CRACR2A: variants seen among roughly 807,000 people sequenced by gnomAD.
CRACR2A encodes the protein EF-hand calcium-binding domain-containing protein 4B.
Under a neutral mutation model 90.5 loss-of-function variants are expected in CRACR2A, and 79 were observed. The observed-to-expected ratio is 0.87, with a 90% CI of 0.73 to 1.05. The LOEUF is 1.05. Among genes scored for constraint, CRACR2A ranks in the 50% least tolerant of loss-of-function variants. The probability of loss-of-function intolerance (pLI) is 0.00; values close to 1 mark genes in which losing one functional copy is unlikely to be tolerated. For missense variants in CRACR2A, 823 were observed against 897.2 expected (o/e 0.92, Z 1.06); for synonymous variants, 338 against 356.7 (o/e 0.95, Z 0.59).
Position 3,627,472 on chromosome 12 carries a change from C to T in CRACR2A, c.1896G>A (p.Ser632=), listed in dbSNP as rs763354330. The change falls in exon 17 of 20, where the codon TCG becomes TCA. Residue 632 remains serine (S), a synonymous_variant. Coordinates refer to ENST00000440314, the MANE Select transcript of CRACR2A (RefSeq NM_001144958.2). The part of the protein sequence containing the change: ...IVMYDLTDKQ[S]FLSVRRWLSS... ...TCAGCCACCGCCGGACCGACAGGAACGACTGCTTGTCTGTGAGATCGTACA... is the reference window on the plus strand; with the variant it reads ...TCAGCCACCGCCGGACCGACAGGAATGACTGCTTGTCTGTGAGATCGTACA... 3.1e-5 allele frequency: 48 copies of T among 1,551,906 alleles called. No individual in the cohort carries two copies. Among genetic ancestry groups the T allele is most frequent in the South Asian group, 1.4e-4 (12 of 84,068 alleles).
At chr12:3,617,426 TGA>T (rs1352290105) in intron 18 of CRACR2A, among the ~76,000 whole-genome samples, 1 of 152,184 alleles carries the variant, frequency 6.6e-6, no homozygotes, top group Non-Finnish European at 1.5e-5. Flanking sequence ...TAAGCTGTAG[TGA>T]GAGAGGGCAC....
intron 2 of CRACR2A, among the ~76,000 whole-genome samples, chr12:3,713,894 T>G (rs1323384576): frequency 1.3e-5 from 2 of 152,034 alleles, no homozygotes; most frequent in Admixed American, 1.3e-4. Context: ...AGTTTGGGAG[T>G]GTTACGACTG....
At chr12:3,646,693 C>T (rs868672768) in intron 11 of CRACR2A, among the ~76,000 whole-genome samples, 3 of 152,154 alleles carry the variant, frequency 2.0e-5, no homozygotes, top group Admixed American at 2.0e-4. Flanking sequence ...ATCCTCGCTC[C>T]GCGCGGAGCT....
In CRACR2A at chr12:3,739,788, G is replaced by GC. The variant is rs532928947; in HGVS notation, c.-386-6579dup. ...GTTTCTACTAAAAATACAAAAATCA[G>GC]CCGGACATGGTGGTGCGTACCTGTA... On this transcript the variant is annotated intron_variant, in intron 1 of 19. Transcript: ENST00000440314. 1.7e-4 allele frequency among the ~76,000 whole-genome samples: 26 copies of GC among 152,140 alleles called. No individual in the cohort carries two copies. In the South Asian group the frequency reaches 5.4e-3, roughly 32 times the overall value.
intron 17 of CRACR2A, 58 bp from the exon 18 acceptor site, chr12:3,619,430 A>G: frequency 7.1e-7 from 1 of 1,406,992 alleles, no homozygotes; most frequent in Non-Finnish European, 9.8e-7. Context: ...CCCAGAGGGC[A>G]GGCTAACAAT....
At chr12:3,685,562 T>TAGA (rs1171614435) in intron 4 of CRACR2A, among the ~76,000 whole-genome samples, 1 of 152,218 alleles carries the variant, frequency 6.6e-6, no homozygotes, top group Non-Finnish European at 1.5e-5. Context: ...CCTTTAAAAA[T>TAGA]ATTCTGACAC....
intron 7 of CRACR2A, among the ~76,000 whole-genome samples, chr12:3,662,784 C>T (rs529814898): frequency 6.6e-6 from 1 of 152,196 alleles, no homozygotes; most frequent in Admixed American, 6.5e-5. Flanking sequence ...GCAGTGGCTG[C>T]GCGGGCAGTG....
At chr12:3,712,200 C>G (rs994005971) in intron 3 of CRACR2A, among the ~76,000 whole-genome samples, 2 of 149,642 alleles carry the variant, frequency 1.3e-5, no homozygotes, top group Non-Finnish European at 3.0e-5. Flanking sequence ...ACTTTGCCAC[C>G]CTGTGACCTT....
rs7131759 is a variant in CRACR2A at position 3,621,449 on chromosome 12, C to T, written c.1933-2077G>A. Among the ~76,000 whole-genome samples the T allele has an allele frequency of 1.9e-4, 28 of 144,786 alleles. No individual in the cohort carries two copies. The South Asian group carries it at 6.2e-3, about 32-fold the overall frequency. The allele number at this position is 144,786 out of a possible 152,430, so 95.0% of individuals were successfully genotyped here. A position where few individuals can be genotyped will look rare whatever the true frequency, so the allele number is the denominator to read the frequency against. On this transcript the variant is annotated intron_variant, in intron 17 of 19. Coordinates refer to ENST00000440314, the MANE Select transcript of CRACR2A (RefSeq NM_001144958.2). ...TGGGTGGATCATGAGGTCAGGAGTT[C>T]AAGACCAGCCTGGCCAAGATGGTGA...
intron 14 of CRACR2A, among the ~76,000 whole-genome samples, chr12:3,634,715 C>A (rs983252616): frequency 1.3e-5 from 2 of 152,188 alleles, no homozygotes. Flanking sequence ...TCTCATTGAG[C>A]AAATACTATA....
intron 14 of CRACR2A, among the ~76,000 whole-genome samples, chr12:3,637,701 G>A (rs971358580): frequency 1.3e-5 from 2 of 152,066 alleles, no homozygotes; most frequent in Non-Finnish European, 2.9e-5. Context: ...TAGCCAGCCA[G>A]GATTAGTTTA....
intron 1 of CRACR2A, among the ~76,000 whole-genome samples, chr12:3,740,549 T>G (rs1376531184): frequency 6.6e-6 from 1 of 152,214 alleles, no homozygotes; most frequent in Non-Finnish European, 1.5e-5. Context: ...CATTTTACAA[T>G]GTATTAAGTG....
chr12:3,666,330 C>CGTGTGTGTGTGTGTGTGTGTGTGT (rs750488682), intron 7 of CRACR2A, among the ~76,000 whole-genome samples: 70 of 139,654 alleles, frequency 5.0e-4, no homozygotes, highest in African/African-American at 1.8e-3. Flanking sequence ...AGGACGGCTG[C>CGTGTGTGTGTGTGTGTGTGTGTGT]GTGTGTGTGT....
At chr12:3,730,844 GCAGGACT>G (rs2137854323) in intron 2 of CRACR2A, 1 of 152,360 alleles carries the variant, frequency 6.6e-6, no homozygotes, top group African/African-American at 2.4e-5. Flanking sequence ...GAGGGGCAGG[GCAGGACT>G]GGCCAATGGA....
rs1282494406 is a variant in CRACR2A, at chr12:3,654,306, C to T, written c.952G>A (p.Glu318Lys). The T allele has an allele frequency of 6.2e-7, 1 of 1,613,928 alleles. No homozygotes were observed. Among genetic ancestry groups the T allele is most frequent in the Non-Finnish European group, 8.5e-7 (1 of 1,179,982 alleles). The change falls in exon 10 of 20, where the codon GAG becomes AAG. Residue 318 changes from glutamate to lysine, a missense_variant. Transcript: ENST00000440314. The part of the protein sequence containing the change: ...LKLTNQELAR[E>K]LERTSWELQD... ...AGCTCCCAGGAAGTCCGCTCCAGCT[C>T]CCGGGCCAGCTCCTGGTTAGTGAGT...
In CRACR2A at chr12:3,746,939, C is replaced by G. The variant is rs114310958; in HGVS notation, c.-387+6076G>C. Among the ~76,000 whole-genome samples, 747 of 152,348 alleles carry G rather than the reference C, an allele frequency of 4.9e-3. 7 individuals carry two copies. Among genetic ancestry groups the G allele is most frequent in the African/African-American group, 0.017 (688 of 41,576 alleles). On this transcript the variant is annotated intron_variant, in intron 1 of 19. Transcript: ENST00000440314. The surrounding 1 kb of genome is among the most constrained non-coding windows in gnomAD (Gnocchi z 4.4). Reference sequence around the variant, plus strand: ...ACCATGACCCATGGGATCACATGTGCGTGGACCACGTGCTTCCTCACATCC... The same window carrying G: ...ACCATGACCCATGGGATCACATGTGGGTGGACCACGTGCTTCCTCACATCC...
At chr12:3,737,630 G>T (rs2137883606) in intron 1 of CRACR2A, among the ~76,000 whole-genome samples, 1 of 152,236 alleles carries the variant, frequency 6.6e-6, no homozygotes, top group African/African-American at 2.4e-5. Context: ...AGTAGGTGCA[G>T]GTAAAGAGAT....
intron 14 of CRACR2A, among the ~76,000 whole-genome samples, chr12:3,637,539 C>T (rs1348554894): frequency 2.6e-5 from 4 of 152,120 alleles, no homozygotes; most frequent in East Asian, 1.9e-4. Flanking sequence ...TGCCCAGGCA[C>T]GCCACAGTAC....
intron 4 of CRACR2A, among the ~76,000 whole-genome samples, chr12:3,695,129 C>T (rs1945716861): frequency 6.6e-6 from 1 of 152,200 alleles, no homozygotes; most frequent in African/African-American, 2.4e-5. Context: ...CTGAGTTGCA[C>T]AGTACTTGTG....
Sources: allele counts gnomAD v4.1 joint callset (sites outside exome capture counted in the v4.1 genomes callset), GRCh38; gene constraint gnomAD v4.1.1; non-coding constraint Gnocchi (gnomAD v3.1); transcripts MANE v1.5; gene names NCBI Gene and HGNC (gene_info 2026-07-23, HGNC 2026-07-21).